Variants in UNC79 observed in about 807,000 individuals in gnomAD.
UNC79 encodes the protein unc-79 subunit of NALCN channel complex.
UNC79 carries 37 observed loss-of-function variants against 283.1 expected under a neutral mutation model. The observed-to-expected ratio is 0.13, with a 90% confidence interval of 0.10 to 0.17. UNC79 has a LOEUF of 0.17. Among genes scored for constraint, UNC79 ranks in the 10% least tolerant of loss-of-function variants. The pLI is 1.00. For missense variants in UNC79, 2,272 were observed against 3,211.1 expected (o/e 0.71, Z 7.07); for synonymous variants, 1,107 against 1,200.2 (o/e 0.92, Z 1.61).
intron 1 of UNC79, among the ~76,000 whole-genome samples, chr14:93,361,869 C>G (rs2054234597): frequency 6.6e-6 from 1 of 152,184 alleles, no homozygotes; most frequent in Non-Finnish European, 1.5e-5. Context: ...TATGTTCCTT[C>G]AATACCTAGT....
exon 36 of UNC79, chr14:93,653,781 G>T: frequency 3.1e-6 from 5 of 1,613,834 alleles, no homozygotes; most frequent in Non-Finnish European, 4.2e-6. Flanking sequence ...TGGCCAAGCA[G>T]TTCCTGCGCT....
chr14:93,548,996 CTTAGTA>C (rs2061740280), intron 14 of UNC79, among the ~76,000 whole-genome samples: 1 of 152,112 alleles, frequency 6.6e-6, no homozygotes, highest in Admixed American at 6.6e-5. Flanking sequence ...GCAAATTCTT[CTTAGTA>C]TGATTCCCCA....
At chr14:93,420,592 C>T (rs1595454730) in intron 1 of UNC79, among the ~76,000 whole-genome samples, 1 of 151,774 alleles carries the variant, frequency 6.6e-6, no homozygotes, top group African/African-American at 2.4e-5. Context: ...TTAATCTGCA[C>T]TATAGAACAA....
intron 22 of UNC79, among the ~76,000 whole-genome samples, chr14:93,587,844 C>T (rs904030866): frequency 1.3e-5 from 2 of 152,158 alleles, no homozygotes; most frequent in Non-Finnish European, 2.9e-5. Flanking sequence ...CTGCTTTATA[C>T]AGCTCAGAGG....
At chr14:93,702,531 A>G (rs2075605897) in intron 47 of UNC79, among the ~76,000 whole-genome samples, 1 of 152,242 alleles carries the variant, frequency 6.6e-6, no homozygotes, top group Non-Finnish European at 1.5e-5. Flanking sequence ...GAACAAAAAC[A>G]GGGAGAGAAA....
At chr14:93,475,915 T>A (rs553938136) in intron 3 of UNC79, among the ~76,000 whole-genome samples, 1 of 152,354 alleles carries the variant, frequency 6.6e-6, no homozygotes, top group East Asian at 1.9e-4. Context: ...GTTATTTAGC[T>A]ATCGTGTTCT....
At chr14:93,386,927 CTTTTTTTTTTTTTT>C (rs35267402) in intron 1 of UNC79, among the ~76,000 whole-genome samples, 3 of 27,162 alleles carry the variant, frequency 1.1e-4, no homozygotes, top group Admixed American at 6.2e-4. Context: ...TGTATTTCTG[CTTTTTTTTTTTTTT>C]TTTTTTTTTT....
intron 27 of UNC79, among the ~76,000 whole-genome samples, chr14:93,614,609 G>A (rs907736931): frequency 2.0e-5 from 3 of 151,136 alleles, no homozygotes; most frequent in Non-Finnish European, 4.4e-5. Flanking sequence ...ATGAGCCACG[G>A]CGCCCGGCCA....
At chr14:93,347,045 G>A in intron 1 of UNC79, 1 of 487,590 alleles carries the variant, frequency 2.1e-6, no homozygotes, top group Non-Finnish European at 3.6e-6. Flanking sequence ...AGCACGGACT[G>A]CTGAGTGGAA....
At chr14:93,673,561 A>T in intron 41 of UNC79, 106 bp downstream of exon 44, 5 of 848,538 alleles carry the variant, frequency 5.9e-6, no homozygotes, top group Non-Finnish European at 9.0e-6. Context: ...CTTTGCTTAG[A>T]GATGATAAAT....
At chr14:93,348,027 G>C (rs752359205) in intron 1 of UNC79, 76 of 1,601,730 alleles carry the variant, frequency 4.7e-5, no homozygotes, top group Non-Finnish European at 6.4e-5. Context: ...TTCTCTTCCA[G>C]GAAATGGCTG....
intron 1 of UNC79, among the ~76,000 whole-genome samples, chr14:93,362,957 C>T (rs191321955): frequency 2.6e-5 from 4 of 151,680 alleles, no homozygotes; most frequent in African/African-American, 7.2e-5. Flanking sequence ...CTTTTTGTGT[C>T]TCAGTTTTGT....
At chr14:93,596,369 T>C (rs191325051) in intron 23 of UNC79, among the ~76,000 whole-genome samples, 4 of 152,342 alleles carry the variant, frequency 2.6e-5, no homozygotes, top group South Asian at 2.1e-4. Flanking sequence ...GTGCAGTGGC[T>C]CATGCCTGTA....
chr14:93,368,779 G>C (rs1046602662), intron 1 of UNC79, among the ~76,000 whole-genome samples: 1 of 152,164 alleles, frequency 6.6e-6, no homozygotes, highest in Non-Finnish European at 1.5e-5. Context: ...GCTCAAAAAT[G>C]CCATTTTCAA....
chr14:93,464,675 G>T, intron 1 of UNC79: 1 of 445,068 alleles, frequency 2.2e-6, no homozygotes, highest in African/African-American at 2.0e-5. Flanking sequence ...TGTAGAAGAA[G>T]GAGCTTACTA....
intron 1 of UNC79, among the ~76,000 whole-genome samples, chr14:93,342,547 G>T (rs1449098622): frequency 1.3e-5 from 2 of 152,158 alleles, no homozygotes; most frequent in Admixed American, 1.3e-4. Flanking sequence ...TTGACATTTG[G>T]CCTCTCTTTA....
exon 30 of UNC79, chr14:93,622,093 A>G: frequency 6.2e-7 from 1 of 1,614,074 alleles, no homozygotes. Context: ...GGCCTGAAAA[A>G]CACTCTATAC....
intron 5 of UNC79, among the ~76,000 whole-genome samples, chr14:93,488,358 A>G (rs1387838667): frequency 6.6e-6 from 1 of 152,184 alleles, no homozygotes; most frequent in Non-Finnish European, 1.5e-5. Flanking sequence ...AGATTTTCAC[A>G]TTTACTCTGT....
intron 14 of UNC79, among the ~76,000 whole-genome samples, chr14:93,546,025 A>G (rs922047783): frequency 6.6e-6 from 1 of 152,192 alleles, no homozygotes; most frequent in African/African-American, 2.4e-5. Flanking sequence ...ACAGGAGGAC[A>G]TGGCTCCAGG....
Sources: allele counts gnomAD v4.1 joint callset (sites outside exome capture counted in the v4.1 genomes callset), GRCh38; gene constraint gnomAD v4.1.1; transcripts MANE v1.5; gene names NCBI Gene and HGNC (gene_info 2026-07-23, HGNC 2026-07-21).